Variants in CATSPERB observed in about 807,000 individuals in gnomAD.
The protein encoded by CATSPERB is cation channel sperm-associated auxiliary subunit beta.
In CATSPERB, 93 loss-of-function variants were observed where a neutral mutation model predicts 128.3. That is an observed-to-expected ratio of 0.72 (90% confidence interval 0.61 to 0.86). CATSPERB has a LOEUF of 0.86. CATSPERB is among the 40% of genes least tolerant of loss of function. CATSPERB has a pLI of 0.00. For synonymous variants in CATSPERB, 381 were observed against 448.8 expected (o/e 0.85, Z 1.91); for missense variants, 1,153 against 1,329.5 (o/e 0.87, Z 2.06).
intron 5 of CATSPERB, 108 bp downstream of exon 5, chr14:91,719,310 G>T: frequency 1.4e-6 from 1 of 704,524 alleles, no homozygotes; most frequent in Non-Finnish European, 2.2e-6. Flanking sequence ...CCACATGGGG[G>T]ATTTACATGA....
chr14:91,712,632 A>G (rs1363914303), intron 5 of CATSPERB, among the ~76,000 whole-genome samples: 2 of 152,192 alleles, frequency 1.3e-5, no homozygotes, highest in African/African-American at 4.8e-5. Flanking sequence ...TCGTATACTT[A>G]ATAAATTTTT....
At position 91,639,228 on chromosome 14, in the gene CATSPERB, G is replaced by A. The variant is rs745868025; in HGVS notation, c.1455C>T (p.Val485=). The A allele has an allele frequency of 1.2e-5, 20 of 1,613,480 alleles. No homozygotes were observed. Among genetic ancestry groups the A allele is most frequent in the South Asian group, 7.7e-5 (7 of 91,046 alleles). Residue 485 remains valine (V), a synonymous_variant, in exon 16 of 27, where the codon GTC becomes GTT. Coordinates refer to ENST00000256343, the MANE Select transcript of CATSPERB (RefSeq NM_024764.4). Reference sequence around the variant, plus strand: ...TGAAAATTCTCTCAGTAACACTTCCGACTGCACTGTATCTTCCCATTCCTA... The same window carrying A: ...TGAAAATTCTCTCAGTAACACTTCCAACTGCACTGTATCTTCCCATTCCTA... The part of the protein sequence containing the change: ...TKAGMGRYSA[V]GSVTERIFTL...
intron 22 of CATSPERB, among the ~76,000 whole-genome samples, chr14:91,594,366 T>G (rs373266659): frequency 2.6e-5 from 4 of 151,828 alleles, no homozygotes; most frequent in Admixed American, 2.6e-4. Flanking sequence ...TTAGGAGATA[T>G]ACCTAATGCT....
intron 12 of CATSPERB, 89 bp downstream of exon 12, chr14:91,674,087 G>C (rs967070235): frequency 1.1e-4 from 81 of 750,562 alleles, no homozygotes; most frequent in South Asian, 1.0e-3. Context: ...TCAGTCTGTA[G>C]AATTGCCATT....
chr14:91,713,002 AG>A (rs1336696871), intron 5 of CATSPERB, among the ~76,000 whole-genome samples: 2 of 152,196 alleles, frequency 1.3e-5, no homozygotes, highest in Non-Finnish European at 1.5e-5. Context: ...GAATGAAATG[AG>A]GTTATTCGAG....
intron 20 of CATSPERB, among the ~76,000 whole-genome samples, chr14:91,610,995 C>A (rs1450996664): frequency 2.0e-5 from 3 of 152,148 alleles, no homozygotes; most frequent in African/African-American, 4.8e-5. Flanking sequence ...AGGAAACCAA[C>A]CCTGCTGATA....
chr14:91,604,876 C>G, intron 22 of CATSPERB: 4 of 1,380,820 alleles, frequency 2.9e-6, no homozygotes, highest in Non-Finnish European at 4.1e-6. Flanking sequence ...TCTTAGATTT[C>G]ATTCTCTGGT....
chr14:91,604,899 T>A (rs772387080), intron 22 of CATSPERB: 116 of 1,268,292 alleles, frequency 9.1e-5, no homozygotes, highest in Non-Finnish European at 1.3e-4. Flanking sequence ...TGGAACCACG[T>A]CTTAACCTGT....
At chr14:91,673,128 A>C in intron 12 of CATSPERB, 112 bp from the exon 13 acceptor site, 1 of 987,446 alleles carries the variant, frequency 1.0e-6, no homozygotes, top group South Asian at 1.8e-5. Flanking sequence ...TTTTTTGAAC[A>C]AACATAGAAA....
At chr14:91,688,501 T>C (rs919745957) in intron 10 of CATSPERB, among the ~76,000 whole-genome samples, 1 of 152,202 alleles carries the variant, frequency 6.6e-6, no homozygotes, top group Non-Finnish European at 1.5e-5. Flanking sequence ...CTTTCATTTT[T>C]TTTTATTATT....
intron 26 of CATSPERB, among the ~76,000 whole-genome samples, chr14:91,583,434 C>T (rs1417441416): frequency 6.6e-6 from 1 of 152,014 alleles, no homozygotes; most frequent in Non-Finnish European, 1.5e-5. Context: ...AAAAAATTTT[C>T]ACTTGCTTAT....
At chr14:91,691,464 C>G in intron 10 of CATSPERB, 59 bp downstream of exon 10, 1 of 1,238,352 alleles carries the variant, frequency 8.1e-7, no homozygotes, top group Non-Finnish European at 1.1e-6. Context: ...CATCTCATCT[C>G]AAGTTACCAA....
In CATSPERB at chr14:91,725,128, G is replaced by C; in HGVS notation, c.120C>G (p.Phe40Leu). 1 of 1,580,032 alleles carries C rather than the reference G, an allele frequency of 6.3e-7. No homozygotes were observed. Among genetic ancestry groups the C allele is most frequent in the Non-Finnish European group, 8.6e-7 (1 of 1,164,848 alleles). Reference sequence around the variant, plus strand: ...ACTTGATTATTTCATTCTCTTGAGGGAACCCTTTGTTAGAACATGCAAAGC... The same window carrying C: ...ACTTGATTATTTCATTCTCTTGAGGCAACCCTTTGTTAGAACATGCAAAGC... Reference protein sequence around the residue: ...EKRFACSNKGFPQENEIIKLY... With the variant: ...EKRFACSNKGLPQENEIIKLY... The change falls in exon 3 of 27, where the codon TTC (phenylalanine) becomes TTG (leucine). Residue 40 changes from phenylalanine (F) to leucine (L), a missense_variant. Transcript: ENST00000256343.
At chr14:91,630,633 T>C (rs939996361) in intron 17 of CATSPERB, among the ~76,000 whole-genome samples, 1 of 152,198 alleles carries the variant, frequency 6.6e-6, no homozygotes, top group Non-Finnish European at 1.5e-5. Flanking sequence ...CATCAGATCC[T>C]GTCTTCACTC....
intron 15 of CATSPERB, among the ~76,000 whole-genome samples, chr14:91,648,476 A>G (rs1894644357): frequency 6.6e-6 from 1 of 152,150 alleles, no homozygotes; most frequent in South Asian, 2.1e-4. Flanking sequence ...CTTGATCTTC[A>G]TGTATTAAAG....
intron 17 of CATSPERB, 62 bp from the exon 18 acceptor site, chr14:91,625,069 A>G: frequency 2.1e-6 from 2 of 955,942 alleles, no homozygotes; most frequent in Non-Finnish European, 1.5e-6. Flanking sequence ...GAACCAATTT[A>G]TGAACAAATA....
Position 91,649,201 on chromosome 14 carries a change from A to C in CATSPERB, c.1433-9951T>G, listed in dbSNP as rs146794451. Among the ~76,000 whole-genome samples the C allele has an allele frequency of 9.0e-3, 1,362 of 152,146 alleles. 16 individuals are homozygous for C. The highest frequency in any genetic ancestry group is 0.044 in the Middle Eastern group (13 of 294). On this transcript the variant is annotated intron_variant, in intron 15 of 26. Coordinates refer to ENST00000256343, the MANE Select transcript of CATSPERB (RefSeq NM_024764.4). ...ATGGTGATAACTGTAGACCAGCTCTACTTTTGGTTATTCTATTTTATGCTT... is the reference window on the plus strand; with the variant it reads ...ATGGTGATAACTGTAGACCAGCTCTCCTTTTGGTTATTCTATTTTATGCTT...
intron 4 of CATSPERB, 145 bp downstream of exon 4, chr14:91,722,904 G>A (rs1020098799): frequency 1.2e-5 from 6 of 507,802 alleles, no homozygotes; most frequent in African/African-American, 9.9e-5. Flanking sequence ...ACTGTTTAAA[G>A]CAAAAAGTGT....
rs1894443805 is a variant in CATSPERB, at chr14:91,639,261, A to G, written c.1433-11T>C. The G allele has an allele frequency of 1.2e-6, 2 of 1,611,334 alleles. No individual in the cohort carries two copies. Among genetic ancestry groups the G allele is most frequent in the Non-Finnish European group, 1.7e-6 (2 of 1,178,766 alleles). ...TGTATCTTCCCATTCCTATTAGGAAATACAGAGAAGTGTCTTGATACTGAT... is the reference window on the plus strand; with the variant it reads ...TGTATCTTCCCATTCCTATTAGGAAGTACAGAGAAGTGTCTTGATACTGAT... On this transcript the variant is annotated splice_polypyrimidine_tract_variant and intron_variant, in intron 15 of 26. Coordinates refer to ENST00000256343, the MANE Select transcript of CATSPERB (RefSeq NM_024764.4).
Sources: gnomAD v4.1 joint callset for allele counts (sites outside exome capture counted in the v4.1 genomes callset) on GRCh38, gnomAD v4.1.1 for gene constraint, MANE v1.5 for transcripts, NCBI Gene and HGNC (gene_info 2026-07-23, HGNC 2026-07-21) for gene names.